CD48: variants seen among roughly 807,000 people sequenced by gnomAD.
CD48 encodes CD48 molecule, also known as CD48 antigen.
In CD48, 20 loss-of-function variants were observed where a neutral mutation model predicts 22.0. That is an observed-to-expected ratio of 0.91 (90% CI 0.64 to 1.32). The LOEUF (loss-of-function observed/expected upper bound fraction) is 1.32. Ranked by LOEUF, CD48 falls within the 40% of genes most tolerant of loss-of-function variation. The probability of loss-of-function intolerance (pLI) is 0.00; values close to 1 mark genes in which losing one functional copy is unlikely to be tolerated. For missense variants in CD48, 307 were observed against 286.5 expected (o/e 1.07, Z -0.52); for synonymous variants, 110 against 110.1 (o/e 1.00, Z 0.01).
chr1:160,705,705 A>G (rs879873441), intron 1 of CD48, among the ~76,000 whole-genome samples: 3 of 152,176 alleles, frequency 2.0e-5, no homozygotes, highest in African/African-American at 7.2e-5. Flanking sequence ...TTCCACATGA[A>G]TTAATAGAAG....
At chr1:160,681,852 G>A (rs567644104) in intron 2 of CD48, among the ~76,000 whole-genome samples, 18 of 152,222 alleles carry the variant, frequency 1.2e-4, no homozygotes, top group East Asian at 1.9e-4. Flanking sequence ...GGTTCATGGC[G>A]GGCACCTTGG....
At chr1:160,688,895 C>T (rs1359003595) in intron 1 of CD48, among the ~76,000 whole-genome samples, 1 of 152,116 alleles carries the variant, frequency 6.6e-6, no homozygotes, top group Non-Finnish European at 1.5e-5. Context: ...TTTTAAATAG[C>T]CCTTTGGTGC....
chr1:160,695,292 T>C (rs796210222), intron 1 of CD48, among the ~76,000 whole-genome samples: 5,659 of 125,574 alleles, frequency 0.045, no homozygotes, highest in South Asian at 0.094. Flanking sequence ...CAGACTGTTA[T>C]ATTATTCATT....
intron 1 of CD48, among the ~76,000 whole-genome samples, chr1:160,708,297 C>T (rs1006522181): frequency 1.3e-5 from 2 of 152,148 alleles, no homozygotes; most frequent in African/African-American, 4.8e-5. Context: ...GAAATGTGAA[C>T]TTTAGGCTCA....
At chr1:160,692,506 C>A (rs1662258641) in intron 1 of CD48, among the ~76,000 whole-genome samples, 1 of 152,080 alleles carries the variant, frequency 6.6e-6, no homozygotes, top group African/African-American at 2.4e-5. Context: ...GACCCAACTG[C>A]CAGTAGCTTA....
intron 3 of CD48, chr1:160,680,442 CTTTA>C (rs1353100232): frequency 3.1e-6 from 1 of 325,310 alleles, no homozygotes; most frequent in African/African-American, 2.2e-5. Context: ...TTATTTTGTC[CTTTA>C]TTTAGGAAGA....
At chr1:160,708,036 C>T (rs1055866251) in intron 1 of CD48, among the ~76,000 whole-genome samples, 10 of 152,030 alleles carry the variant, frequency 6.6e-5, no homozygotes, top group Non-Finnish European at 1.2e-4. Context: ...AAGGAAAATA[C>T]GGAATGCTTA....
intron 1 of CD48, among the ~76,000 whole-genome samples, chr1:160,692,532 G>A (rs1343723949): frequency 6.6e-6 from 1 of 151,966 alleles, no homozygotes; most frequent in African/African-American, 2.4e-5. Context: ...ACTGGCCACC[G>A]GCCGAACTTC....
Position 160,681,306 on chromosome 1 carries a change from G to C in CD48, c.548C>G (p.Thr183Ser). ...PKELQNSVLE[T>S]TLMPHNYSRC... ...GGAGTAATTATGTGGCATAAGGGTG[G>C]TTTCAAGCACACTGTTCTGGAGCTC... is the stretch of plus-strand genomic sequence containing the variant. Residue 183 changes from threonine (T) to serine (S), a missense_variant, in exon 3 of 4, where the codon ACC (threonine) becomes AGC (serine). Transcript: ENST00000368046. 1.2e-6 allele frequency: 2 copies of C among 1,614,196 alleles called. No homozygotes were observed. Among genetic ancestry groups the C allele is most frequent in the Non-Finnish European group, 1.7e-6 (2 of 1,180,008 alleles).
At chr1:160,710,886 T>G (rs1431796479) in intron 1 of CD48, among the ~76,000 whole-genome samples, 2 of 152,230 alleles carry the variant, frequency 1.3e-5, no homozygotes, top group Non-Finnish European at 2.9e-5. Context: ...GTGGTGAGCA[T>G]TAAAGCCCTT....
At chr1:160,702,803 C>G (rs934633834) in intron 1 of CD48, among the ~76,000 whole-genome samples, 1 of 152,068 alleles carries the variant, frequency 6.6e-6, no homozygotes, top group Non-Finnish European at 1.5e-5. Context: ...GGCAACACCT[C>G]GTGATCAGGT....
Position 160,681,114 on chromosome 1 carries a change from G to C in CD48, c.652+88C>G, listed in dbSNP as rs569477186. The C allele has an allele frequency of 4.4e-6, 7 of 1,601,130 alleles. No individual in the cohort carries two copies. In the East Asian group the frequency reaches 6.8e-5, roughly 15 times the overall value. On this transcript the variant is annotated intron_variant, in intron 3 of 3. Transcript: ENST00000368046. ...AGGGATTCACCACCACACTGTGCAA[G>C]GAGGCTGAATAGGACCCCCAGCCTT... is the stretch of plus-strand genomic sequence containing the variant.
chr1:160,682,073 T>C (rs1488643414), intron 2 of CD48, among the ~76,000 whole-genome samples: 6 of 152,178 alleles, frequency 3.9e-5, no homozygotes, highest in Admixed American at 3.9e-4. Context: ...GGTATCTCCA[T>C]GTCTAGCACA....
rs778784278 is a variant in CD48, at chr1:160,684,960, G to A, written c.312C>T (p.Asn104=). 1 of 1,614,154 alleles carries A rather than the reference G, an allele frequency of 6.2e-7. No individual in the cohort carries two copies. Among genetic ancestry groups the A allele is most frequent in the Non-Finnish European group, 8.5e-7 (1 of 1,180,034 alleles). The change falls in exon 2 of 4, where the codon AAC becomes AAT. Residue 104 remains asparagine (N), a synonymous_variant. Transcript: ENST00000368046. ...TCAACACCCTCATGATGTAGGTGCT[G>A]TTGTCCTCTTTCTGGACCTTAGAGA... ...LYISKVQKED[N]STYIMRVLKK... is the part of the protein sequence containing the mutation.
At chr1:160,703,019 G>A (rs538585859) in intron 1 of CD48, among the ~76,000 whole-genome samples, 5 of 152,068 alleles carry the variant, frequency 3.3e-5, no homozygotes, top group East Asian at 1.9e-4. Flanking sequence ...GGCCTGGAGC[G>A]TGTAATTTAT....
At chr1:160,681,795 TTAGTA>T (rs1294867280) in intron 2 of CD48, among the ~76,000 whole-genome samples, 1 of 152,172 alleles carries the variant, frequency 6.6e-6, no homozygotes, top group Non-Finnish European at 1.5e-5. Flanking sequence ...GGGGTCAGAC[TTAGTA>T]TATCAACTGC....
In CD48 at chr1:160,678,971, C is replaced by G. The variant is rs558569828; in HGVS notation, c.*81G>C. 9.8e-7 allele frequency: 1 copy of G among 1,022,542 alleles called. No homozygotes were observed. The highest frequency in any genetic ancestry group is 2.4e-5 in the East Asian group (1 of 42,254). The allele number at this position is 1,022,542 out of a possible 1,614,324, so 63.3% of individuals were successfully genotyped here. A position where few individuals can be genotyped will look rare whatever the true frequency, so the allele number is the denominator to read the frequency against. Reference sequence around the variant, plus strand: ...CATGCTTCTGGTCAGCCTATACAGTCTCTGTCCTGGTGAGGAGCATGATCA... The same window carrying G: ...CATGCTTCTGGTCAGCCTATACAGTGTCTGTCCTGGTGAGGAGCATGATCA... On this transcript the variant is annotated 3_prime_UTR_variant, in exon 4 of 4. Coordinates refer to ENST00000368046, the MANE Select transcript of CD48 (RefSeq NM_001778.4).
At chr1:160,710,625 A>T (rs1278752485) in intron 1 of CD48, among the ~76,000 whole-genome samples, 4 of 152,202 alleles carry the variant, frequency 2.6e-5, no homozygotes, top group African/African-American at 9.6e-5. Flanking sequence ...CAATAGTTAG[A>T]TGAATACTTC....
At chr1:160,695,306 TTGA>T (rs1662376644) in intron 1 of CD48, among the ~76,000 whole-genome samples, 1 of 152,300 alleles carries the variant, frequency 6.6e-6, no homozygotes, top group Non-Finnish European at 1.5e-5. Flanking sequence ...ATTCATTATT[TTGA>T]TGATATTTTA....
Sources: gnomAD v4.1 joint callset for allele counts (sites outside exome capture counted in the v4.1 genomes callset) on GRCh38, gnomAD v4.1.1 for gene constraint, MANE v1.5 for transcripts, NCBI Gene and HGNC (gene_info 2026-07-23, HGNC 2026-07-21) for gene names.